SYNJ2: variants seen among roughly 807,000 people sequenced by gnomAD.
The protein encoded by SYNJ2 is synaptojanin 2.
A neutral mutation model predicts 141.3 loss-of-function variants in SYNJ2; 116 were observed. The observed-to-expected ratio is 0.82, with a 90% CI of 0.71 to 0.96. The LOEUF (loss-of-function observed/expected upper bound fraction) is 0.96. SYNJ2 is among the 40% of genes least tolerant of loss of function. The pLI, the probability that SYNJ2 is intolerant of heterozygous loss-of-function variation, is 0.00. For synonymous variants in SYNJ2, 745 were observed against 777.7 expected, an observed-to-expected ratio of 0.96 and a Z score of 0.70; for missense variants, 1,873 against 1,934.8, an observed-to-expected ratio of 0.97 and a Z score of 0.60.
chr6:157,995,295 G>A (rs903687581), intron 1 of SYNJ2, among the ~76,000 whole-genome samples: 9 of 152,118 alleles, frequency 5.9e-5, no homozygotes, highest in African/African-American at 1.7e-4. Context: ...TGCTGAGAGC[G>A]TCTCAGAATT....
chr6:158,001,473 T>TG (rs1777857193), intron 1 of SYNJ2: 1 of 147,352 alleles, frequency 6.8e-6, no homozygotes. Flanking sequence ...CTCGGCTCAC[T>TG]GCAACCTCCA....
At chr6:157,990,396 A>C (rs1283531131) in intron 1 of SYNJ2, among the ~76,000 whole-genome samples, 1 of 152,080 alleles carries the variant, frequency 6.6e-6, no homozygotes, top group Non-Finnish European at 1.5e-5. Context: ...GTATGTTTCT[A>C]GTGAGCCCAC....
Position 158,043,242 on chromosome 6 carries a change from G to T in SYNJ2, c.712-74G>T. The stretch of plus-strand genomic sequence containing the variant: ...GCTGGTGTCGGGTCACAGGTGGCCG[G>T]ATCCCGTTACCCAGCCCAGGACGTT... On this transcript the variant is annotated intron_variant, in intron 4 of 26. Coordinates refer to ENST00000355585, the MANE Select transcript of SYNJ2 (RefSeq NM_003898.4). The surrounding 1 kb of genome is among the most constrained non-coding windows in gnomAD (Gnocchi z 4.0). The T allele has an allele frequency of 4.4e-6, 6 of 1,371,066 alleles. No homozygotes were observed. Among genetic ancestry groups the T allele is most frequent in the Non-Finnish European group, 6.2e-6 (6 of 969,248 alleles). The allele number at this position is 1,371,066 out of a possible 1,614,324, so 84.9% of individuals were successfully genotyped here.
intron 1 of SYNJ2, among the ~76,000 whole-genome samples, chr6:157,993,280 C>G (rs1294458364): frequency 6.6e-6 from 1 of 152,138 alleles, no homozygotes; most frequent in Non-Finnish European, 1.5e-5. Context: ...TTCTGACGAT[C>G]AGTGATGTTG....
Position 158,027,322 on chromosome 6 carries a change from C to T in SYNJ2, c.215-1434C>T, listed in dbSNP as rs1197136954. 1.4e-5 allele frequency: 8 copies of T among 574,856 alleles called. No homozygotes were observed. Among genetic ancestry groups the T allele is most frequent in the African/African-American group, 2.0e-5 (1 of 49,118 alleles). 35.6% of individuals were successfully genotyped at this position (574,856 alleles called of 1,614,324 possible). On this transcript the variant is annotated intron_variant, in intron 2 of 26. Coordinates refer to ENST00000355585, the MANE Select transcript of SYNJ2 (RefSeq NM_003898.4). The surrounding 1 kb of genome is among the most constrained non-coding windows in gnomAD (Gnocchi z 4.6). ...GCTGGGCGGATCCTTCAGACCTCAGCGGGGTGGGAAGAGTGTCCTTGGGAC... is the reference window on the plus strand; with the variant it reads ...GCTGGGCGGATCCTTCAGACCTCAGTGGGGTGGGAAGAGTGTCCTTGGGAC...
chr6:157,993,867 G>T (rs1401371301), intron 1 of SYNJ2, among the ~76,000 whole-genome samples: 1 of 132,666 alleles, frequency 7.5e-6, no homozygotes, highest in Non-Finnish European at 1.6e-5. Context: ...CAGGCTAGAG[G>T]GCAGTGCAGC....
chr6:158,095,874 C>T lies in SYNJ2; in HGVS notation c.4001C>T (p.Pro1334Leu), dbSNP rs751365757. The change falls in exon 27 of 27, where the codon CCG (proline) becomes CTG (leucine). Residue 1334 changes from proline (P) to leucine (L), a missense_variant. Coordinates refer to ENST00000355585, the MANE Select transcript of SYNJ2 (RefSeq NM_003898.4). ...EAPPLVPKVP[P>L]RRKKSAPAAF... is the part of the protein sequence containing the mutation. Reference sequence around the variant, plus strand: ...CCGCCTCTTGTGCCCAAGGTACCCCCGAGGAGGAAGAAGTCAGCCCCCGCA... The same window carrying T: ...CCGCCTCTTGTGCCCAAGGTACCCCTGAGGAGGAAGAAGTCAGCCCCCGCA... The T allele has an allele frequency of 1.7e-5, 28 of 1,614,030 alleles. No homozygotes were observed. In the African/African-American group the frequency reaches 1.9e-4, roughly 11 times the overall value.
intron 1 of SYNJ2, among the ~76,000 whole-genome samples, chr6:157,989,856 G>C (rs1479830352): frequency 6.6e-6 from 1 of 152,214 alleles, no homozygotes. Context: ...GTGTCTGCGG[G>C]AGGGTGCTGG....
Position 157,982,046 on chromosome 6 carries a change from G to T in SYNJ2, c.85G>T (p.Asp29Tyr). Residue 29 changes from aspartate (D) to tyrosine (Y), a missense_variant, in exon 1 of 27, where the codon GAC becomes TAC. By Grantham distance (160) the Asp-to-Tyr change is radical. Coordinates refer to ENST00000355585, the MANE Select transcript of SYNJ2 (RefSeq NM_003898.4). The surrounding 1 kb of genome is among the most constrained non-coding windows in gnomAD (Gnocchi z 4.0). ...CGTGCTGCTGGAGGCGCGCGGCCGCGACGACTGCCTGCTGTTCGAGGCCGG... is the reference window on the plus strand; with the variant it reads ...CGTGCTGCTGGAGGCGCGCGGCCGCTACGACTGCCTGCTGTTCGAGGCCGG... ...CSVLLEARGR[D>Y]DCLLFEAGTV... The T allele has an allele frequency of 7.5e-7, 1 of 1,334,104 alleles. No homozygotes were observed. Among genetic ancestry groups the T allele is most frequent in the African/African-American group, 1.5e-5 (1 of 65,386 alleles). 82.6% of individuals were successfully genotyped at this position (1,334,104 alleles called of 1,614,324 possible).
intron 7 of SYNJ2, among the ~76,000 whole-genome samples, chr6:158,060,801 C>A (rs1353795817): frequency 6.6e-6 from 1 of 152,232 alleles, no homozygotes; most frequent in East Asian, 1.9e-4. Context: ...GGGTGAAGTG[C>A]CCGGCACTGG....
intron 1 of SYNJ2, among the ~76,000 whole-genome samples, chr6:158,007,877 C>T (rs536212703): frequency 6.6e-6 from 1 of 152,240 alleles, no homozygotes; most frequent in South Asian, 2.1e-4. Flanking sequence ...TAGTCTTGAC[C>T]TCTTGGGCTC....
chr6:158,086,331 T>C (rs1783032917), intron 22 of SYNJ2, among the ~76,000 whole-genome samples: 1 of 152,180 alleles, frequency 6.6e-6, no homozygotes, highest in South Asian at 2.1e-4. Context: ...CAGGTCAAGA[T>C]GGCAGACCCT....
intron 4 of SYNJ2, among the ~76,000 whole-genome samples, chr6:158,035,784 A>G (rs560979963): frequency 6.6e-6 from 1 of 152,280 alleles, no homozygotes; most frequent in African/African-American, 2.4e-5. Context: ...TGGGTTTGTC[A>G]TAAATGGCTC....
At chr6:158,067,817 TG>T (rs1193089245) in intron 12 of SYNJ2, 2 of 984,916 alleles carry the variant, frequency 2.0e-6, no homozygotes, top group African/African-American at 3.5e-5. Context: ...GGTGGTAGCC[TG>T]GGTTGCTGCT....
At chr6:158,067,175 C>T (rs1018062535) in intron 12 of SYNJ2, among the ~76,000 whole-genome samples, 13 of 152,198 alleles carry the variant, frequency 8.5e-5, no homozygotes, top group African/African-American at 1.2e-4. Flanking sequence ...CCCACCACCA[C>T]GCCCAGCTAA....
intron 3 of SYNJ2, among the ~76,000 whole-genome samples, chr6:158,032,140 G>T (rs1420772583): frequency 6.6e-6 from 1 of 152,056 alleles, no homozygotes; most frequent in African/African-American, 2.4e-5. Context: ...CTCCCTGTGG[G>T]GGTGCATGTG....
chr6:158,083,590 G>A lies in SYNJ2; in HGVS notation c.3027G>A (p.Glu1009=). ...ENFDFTSLDY[E]SEGDILEDDE... is the part of the protein sequence containing the mutation. ...TTGACTTCACAAGTTTGGACTATGAGTCAGAAGGTTAGTGACCCTGCAGGG... is the reference window on the plus strand; with the variant it reads ...TTGACTTCACAAGTTTGGACTATGAATCAGAAGGTTAGTGACCCTGCAGGG... The change falls in exon 21 of 27, where the codon GAG becomes GAA. Residue 1009 remains glutamate, a synonymous_variant. Coordinates refer to ENST00000355585, the MANE Select transcript of SYNJ2 (RefSeq NM_003898.4). 1.2e-6 allele frequency: 2 copies of A among 1,614,176 alleles called. No individual in the cohort carries two copies. The highest frequency in any genetic ancestry group is 1.7e-5 in the Admixed American group (1 of 60,028).
chr6:158,005,599 T>C (rs1187123405), intron 1 of SYNJ2, among the ~76,000 whole-genome samples: 3 of 151,246 alleles, frequency 2.0e-5, no homozygotes, highest in African/African-American at 4.9e-5. Flanking sequence ...CGCTGTGCAG[T>C]AGAAGTTTCT....
chr6:158,087,674 C>T (rs1044329678), intron 23 of SYNJ2, among the ~76,000 whole-genome samples: 4 of 152,074 alleles, frequency 2.6e-5, no homozygotes, highest in Non-Finnish European at 4.4e-5. Context: ...GCTGACGTCA[C>T]GGTAGTAACC....
Sources: allele counts gnomAD v4.1 joint callset (sites outside exome capture counted in the v4.1 genomes callset), GRCh38; gene constraint gnomAD v4.1.1; non-coding constraint Gnocchi (gnomAD v3.1); transcripts MANE v1.5; gene names NCBI Gene and HGNC (gene_info 2026-07-23, HGNC 2026-07-21).